Variants in LATS2 observed in about 807,000 individuals in gnomAD.
LATS2 encodes the protein serine/threonine-protein kinase LATS2.
LATS2 carries 24 observed loss-of-function variants against 76.0 expected under a neutral mutation model. That is an observed-to-expected ratio of 0.32 (90% CI 0.23 to 0.44). LATS2 has a LOEUF of 0.44. Ranked by LOEUF, LATS2 falls within the 20% of genes least tolerant of loss-of-function variation. The pLI, the probability that LATS2 is intolerant of heterozygous loss-of-function variation, is 1.00. For synonymous variants in LATS2, 692 were observed against 635.4 expected (o/e 1.09, Z -1.34); for missense variants, 1,286 against 1,481.2 (o/e 0.87, Z 2.16).
intron 2 of LATS2, among the ~76,000 whole-genome samples, chr13:21,010,551 T>C (rs551959499): frequency 2.5e-4 from 38 of 152,232 alleles, no homozygotes; most frequent in African/African-American, 8.9e-4. Context: ...AATCAAATAG[T>C]GCAAATAACA....
chr13:20,975,225 G>T lies in LATS2; in HGVS notation c.2912C>A (p.Pro971His). 6.2e-7 allele frequency: 1 copy of T among 1,614,232 alleles called. No homozygotes were observed. The highest frequency in any genetic ancestry group is 8.5e-7 in the Non-Finnish European group (1 of 1,180,036). ...GGAGAAGTCAATGGCGCTGAAGAAGGGGTGGGCCTTCAGGTCATCGGCCCC... is the reference window on the plus strand; with the variant it reads ...GGAGAAGTCAATGGCGCTGAAGAAGTGGTGGGCCTTCAGGTCATCGGCCCC... ...RNGADDLKAHPFFSAIDFSSD... is the reference protein window; with the variant it reads ...RNGADDLKAHHFFSAIDFSSD... Residue 971 changes from proline to histidine, a missense_variant, in exon 8 of 8, where the codon CCC (proline) becomes CAC (histidine). Transcript: ENST00000382592.
At chr13:21,031,790 G>A (rs963064197) in intron 2 of LATS2, among the ~76,000 whole-genome samples, 1 of 152,134 alleles carries the variant, frequency 6.6e-6, no homozygotes, top group Non-Finnish European at 1.5e-5. Flanking sequence ...AGCCCGGGAA[G>A]GCTGCAGTGA....
rs919518949 is a variant in LATS2 at position 21,033,979 on chromosome 13, C to T, written c.342+11706G>A. Among the ~76,000 whole-genome samples, 8 of 152,074 alleles carry T rather than the reference C, an allele frequency of 5.3e-5. 1 individual carries two copies. On this transcript the variant is annotated intron_variant, in intron 2 of 7. Coordinates refer to ENST00000382592, the MANE Select transcript of LATS2 (RefSeq NM_014572.3). ...GATTTCTGTGGGACAGGGGACCAGT[C>T]GCACCCAGGCTGGTAGGACAACGAT...
intron 2 of LATS2, chr13:21,038,659 T>C (rs897015659): frequency 6.6e-6 from 1 of 152,214 alleles, no homozygotes; most frequent in Non-Finnish European, 1.5e-5. Context: ...ACTGCCACTG[T>C]GCAAAGCTTT....
At chr13:21,027,982 C>T (rs985376430) in intron 2 of LATS2, among the ~76,000 whole-genome samples, 4 of 151,024 alleles carry the variant, frequency 2.6e-5, no homozygotes, top group African/African-American at 9.8e-5. Flanking sequence ...CACAATGTGC[C>T]GGTTAGTTAC....
Position 21,004,382 on chromosome 13 carries a change from T to C in LATS2, c.343-12978A>G, listed in dbSNP as rs139397101. 1.8e-4 allele frequency among the ~76,000 whole-genome samples: 27 copies of C among 147,438 alleles called. No homozygotes were observed. The East Asian group carries it at 5.2e-3, about 28-fold the overall frequency. On this transcript the variant is annotated intron_variant, in intron 2 of 7. Coordinates refer to ENST00000382592, the MANE Select transcript of LATS2 (RefSeq NM_014572.3). ...CCAGGAGGTGGAGGTTGCAGTGAGC[T>C]GAGATTGCGCCATTGCACTCTAGCC... is the stretch of plus-strand genomic sequence containing the variant.
chr13:21,027,574 C>T (rs747232165), intron 2 of LATS2, among the ~76,000 whole-genome samples: 1 of 152,188 alleles, frequency 6.6e-6, no homozygotes, highest in Non-Finnish European at 1.5e-5. Flanking sequence ...GTACTCTGTT[C>T]CACTACCTGT....
At chr13:20,983,994 A>G (rs536599805) in intron 4 of LATS2, among the ~76,000 whole-genome samples, 188 bp from the exon 5 acceptor site, 2 of 152,324 alleles carry the variant, frequency 1.3e-5, no homozygotes, top group African/African-American at 4.8e-5. Context: ...GCAGTGGCAC[A>G]ATCTCAGCTC....
rs1270781681 is a variant in LATS2 at position 21,046,146 on chromosome 13, T to C, written c.-120A>G. The stretch of plus-strand genomic sequence containing the variant: ...ACATACTTTCAAAATAATTTCCTTT[T>C]GAAAATGTTCTTTCCTTCCATTTTT... On this transcript the variant is annotated 5_prime_UTR_variant, in exon 2 of 8. Transcript: ENST00000382592. 1 of 781,844 alleles carries C rather than the reference T, an allele frequency of 1.3e-6. No individual in the cohort carries two copies. Among genetic ancestry groups the C allele is most frequent in the Non-Finnish European group, 2.0e-6 (1 of 506,112 alleles). The allele number at this position is 781,844 out of a possible 1,614,324, so 48.4% of individuals were successfully genotyped here. A position where few individuals can be genotyped will look rare whatever the true frequency, so the allele number is the denominator to read the frequency against.
chr13:21,050,050 G>A (rs1873211279), intron 1 of LATS2, among the ~76,000 whole-genome samples: 1 of 151,872 alleles, frequency 6.6e-6, no homozygotes, highest in South Asian at 2.1e-4. Flanking sequence ...AATCCAGGAG[G>A]TGCAGTTTGC....
At chr13:21,049,962 A>G (rs1459510977) in intron 1 of LATS2, among the ~76,000 whole-genome samples, 1 of 152,000 alleles carries the variant, frequency 6.6e-6, no homozygotes, top group Non-Finnish European at 1.5e-5. Context: ...CTCTACTAAA[A>G]ATACAAAAAT....
chr13:21,023,435 C>T (rs764610447), intron 2 of LATS2, among the ~76,000 whole-genome samples: 6 of 151,620 alleles, frequency 4.0e-5, no homozygotes, highest in Admixed American at 2.0e-4. Context: ...TGTAAGACAC[C>T]GTGTGGGTAG....
intron 2 of LATS2, among the ~76,000 whole-genome samples, chr13:21,024,921 A>T (rs1872247639): frequency 6.6e-6 from 1 of 152,210 alleles, no homozygotes; most frequent in African/African-American, 2.4e-5. Flanking sequence ...CTGTCCCCAC[A>T]GGCTCAGCCA....
intron 2 of LATS2, among the ~76,000 whole-genome samples, chr13:21,039,830 T>C (rs1205320461): frequency 6.6e-6 from 1 of 152,160 alleles, no homozygotes; most frequent in African/African-American, 2.4e-5. Context: ...CCCAGCACTT[T>C]AGGAAGCTGA....
In LATS2 at chr13:20,989,033, C is replaced by A. The variant is rs765750027; in HGVS notation, c.747G>T (p.Gln249His). The change falls in exon 4 of 8, where the codon CAG becomes CAT. Residue 249 changes from glutamine (Q) to histidine (H), a missense_variant. Gln to His is a conservative substitution (Grantham distance 24). Around this residue, in one of 5 missense-constraint regions of LATS2, gnomAD observed 710 missense variants for 660.9 expected, o/e 1.07. Coordinates refer to ENST00000382592, the MANE Select transcript of LATS2 (RefSeq NM_014572.3). ...GGTGCGGCCGCCCGTAGTGCGCGCC[C>A]TGCAGCGGGAAGTGTGCCCCTGCTG... ...VEAAGAHFPLQGAHYGRPHLL... is the reference protein window; with the variant it reads ...VEAAGAHFPLHGAHYGRPHLL... 1.3e-4 allele frequency: 210 copies of A among 1,564,458 alleles called. No individual in the cohort carries two copies. The highest frequency in any genetic ancestry group is 5.2e-4 in the Middle Eastern group (3 of 5,742).
intron 7 of LATS2, among the ~76,000 whole-genome samples, chr13:20,976,541 T>G (rs951519056): frequency 1.2e-4 from 18 of 152,062 alleles, no homozygotes; most frequent in African/African-American, 3.9e-4. Flanking sequence ...AAACATGTAT[T>G]TGAAAAGGGG....
Position 20,983,666 on chromosome 13 carries a change from T to C in LATS2, c.2040A>G (p.Gly680=). The part of the protein sequence containing the change: ...KIKTLGIGAF[G]EVCLACKVDT... ...CCACCTTACAAGCAAGGCACACTTC[T>C]CCAAAGGCACCGATCCCCAGGGTTT... The change falls in exon 5 of 8, where the codon GGA becomes GGG. Residue 680 remains glycine (G), a synonymous_variant. Coordinates refer to ENST00000382592, the MANE Select transcript of LATS2 (RefSeq NM_014572.3). 3 of 1,614,136 alleles carry C rather than the reference T, an allele frequency of 1.9e-6. No homozygotes were observed. Among genetic ancestry groups the C allele is most frequent in the Non-Finnish European group, 2.5e-6 (3 of 1,180,022 alleles).
At chr13:21,037,527 G>T (rs1393929866) in intron 2 of LATS2, among the ~76,000 whole-genome samples, 1 of 152,158 alleles carries the variant, frequency 6.6e-6, no homozygotes, top group Non-Finnish European at 1.5e-5. Context: ...CACAGTTCTG[G>T]GTCTTAGAAA....
rs376786994 is a variant in LATS2, at chr13:20,974,862, G to A, written c.*8C>T. On this transcript the variant is annotated 3_prime_UTR_variant, in exon 8 of 8. Coordinates refer to ENST00000382592, the MANE Select transcript of LATS2 (RefSeq NM_014572.3). ...AGGCAGCGAGTGGTGGGGGTGCCTG[G>A]CCCCCATCTACACGTACACAGGCTG... 2.5e-6 allele frequency: 4 copies of A among 1,594,466 alleles called. No individual in the cohort carries two copies. In the African/African-American group the frequency reaches 4.0e-5, roughly 16 times the overall value.
Sources: gnomAD v4.1 joint callset for allele counts (sites outside exome capture counted in the v4.1 genomes callset) on GRCh38, gnomAD v4.1.1 for gene constraint, gnomAD v4.1.1 regional missense constraint, MANE v1.5 for transcripts, NCBI Gene and HGNC (gene_info 2026-07-23, HGNC 2026-07-21) for gene names.